Variants in KDM4C observed in about 807,000 individuals in gnomAD.
The protein encoded by KDM4C is lysine-specific demethylase 4C.
A neutral mutation model predicts 129.3 loss-of-function variants in KDM4C; 81 were observed. The ratio of observed to expected loss-of-function variants is 0.63; its 90% confidence interval spans 0.52 to 0.75. The LOEUF (loss-of-function observed/expected upper bound fraction) is 0.75, where lower values mean the gene tolerates loss of function less well. KDM4C is among the 30% of genes least tolerant of loss of function. KDM4C has a pLI of 0.00. For missense variants in KDM4C, 1,457 were observed against 1,304.0 expected, an observed-to-expected ratio of 1.12 and a Z score of -1.81; for synonymous variants, 573 against 456.1, an observed-to-expected ratio of 1.26 and a Z score of -3.26.
intron 1 of KDM4C, among the ~76,000 whole-genome samples, chr9:6,787,821 A>T (rs562873522): frequency 1.3e-5 from 2 of 152,212 alleles, no homozygotes; most frequent in Non-Finnish European, 2.9e-5. Flanking sequence ...GTTTCTTTAG[A>T]GACAGCCATT....
At chr9:6,814,820 A>C (rs1343636354) in intron 4 of KDM4C, 75 bp downstream of exon 4, 1 of 906,818 alleles carries the variant, frequency 1.1e-6, no homozygotes, top group African/African-American at 1.7e-5. Flanking sequence ...AGCAGTTTAG[A>C]AGTGTTCTTT....
chr9:6,903,113 T>G (rs1817685108), intron 8 of KDM4C, among the ~76,000 whole-genome samples: 2 of 152,174 alleles, frequency 1.3e-5, no homozygotes, highest in Admixed American at 1.3e-4. Flanking sequence ...ACCCAATTAG[T>G]TTCTATTAAC....
At chr9:6,906,995 G>A (rs1004246828) in intron 8 of KDM4C, among the ~76,000 whole-genome samples, 10 of 152,186 alleles carry the variant, frequency 6.6e-5, no homozygotes, top group Admixed American at 5.2e-4. Flanking sequence ...AACTATTCTC[G>A]TAACCAGTTT....
At chr9:6,992,893 T>C (rs1819011902) in intron 12 of KDM4C, among the ~76,000 whole-genome samples, 2 of 152,172 alleles carry the variant, frequency 1.3e-5, no homozygotes, top group Admixed American at 1.3e-4. Context: ...CTGGAAAGTT[T>C]CTCCCTAACA....
chr9:7,120,713 T>C (rs1044815863), intron 18 of KDM4C, among the ~76,000 whole-genome samples: 40 of 152,304 alleles, frequency 2.6e-4, no homozygotes, highest in South Asian at 1.9e-3. Context: ...TCAGATGAAA[T>C]TTTATGACCA....
intron 12 of KDM4C, among the ~76,000 whole-genome samples, chr9:7,010,764 C>A (rs544294004): frequency 6.6e-6 from 1 of 152,262 alleles, no homozygotes; most frequent in East Asian, 1.9e-4. Context: ...ACATTTTAGA[C>A]CAGGCTCAGT....
At chr9:7,073,798 C>G (rs576774222) in intron 17 of KDM4C, among the ~76,000 whole-genome samples, 2 of 152,276 alleles carry the variant, frequency 1.3e-5, no homozygotes, top group South Asian at 2.1e-4. Context: ...GTAGTTCACT[C>G]TTGCCTGGTG....
At chr9:7,107,172 C>A (rs1837789616) in intron 18 of KDM4C, among the ~76,000 whole-genome samples, 1 of 152,216 alleles carries the variant, frequency 6.6e-6, no homozygotes, top group South Asian at 2.1e-4. Context: ...CGCTTCACCA[C>A]CCTGTGCCAT....
At chr9:6,870,474 C>G (rs756447604) in intron 5 of KDM4C, among the ~76,000 whole-genome samples, 5 of 151,964 alleles carry the variant, frequency 3.3e-5, no homozygotes, top group Non-Finnish European at 7.4e-5. Context: ...CTTTGGCTTC[C>G]TCATTAGTTA....
At position 7,014,014 on chromosome 9, in the gene KDM4C, A is replaced by G; in HGVS notation, c.2182+13A>G. 4.4e-6 allele frequency: 7 copies of G among 1,595,326 alleles called. No individual in the cohort carries two copies. The highest frequency in any genetic ancestry group is 1.3e-5 in the African/African-American group (1 of 74,288). ...CGGGTTCATGCAAGTAAATGGATCT[A>G]TAATTCATCAATCACTGGCTTTTCA... On this transcript the variant is annotated intron_variant, in intron 14 of 21. Transcript: ENST00000381309.
chr9:6,982,380 G>T (rs1378750869), intron 9 of KDM4C: 1 of 152,112 alleles, frequency 6.6e-6, no homozygotes, highest in Non-Finnish European at 1.5e-5. Flanking sequence ...CGCAATGATC[G>T]TCAAAGTGTT....
chr9:6,993,665 A>G (rs536121345), intron 12 of KDM4C, among the ~76,000 whole-genome samples: 1 of 152,286 alleles, frequency 6.6e-6, no homozygotes, highest in South Asian at 2.1e-4. Flanking sequence ...CCGTGCACTT[A>G]GGGGAGAGGG....
At chr9:7,172,150 A>T (rs1283026436) in intron 21 of KDM4C, among the ~76,000 whole-genome samples, 3 of 152,168 alleles carry the variant, frequency 2.0e-5, no homozygotes, top group Non-Finnish European at 2.9e-5. Flanking sequence ...TGGTTAGAAA[A>T]GTCTTTTTTG....
intron 20 of KDM4C, among the ~76,000 whole-genome samples, chr9:7,167,467 T>TAG (rs1382673592): frequency 6.6e-6 from 1 of 152,232 alleles, no homozygotes; most frequent in Non-Finnish European, 1.5e-5. Context: ...CTAGCTATGC[T>TAG]ATCAACTAAG....
At chr9:7,089,061 A>G (rs935054558) in intron 17 of KDM4C, among the ~76,000 whole-genome samples, 3 of 152,216 alleles carry the variant, frequency 2.0e-5, no homozygotes, top group Non-Finnish European at 2.9e-5. Flanking sequence ...GAGATGAGTT[A>G]AAAAACAAAA....
At chr9:7,023,533 T>A (rs1408720477) in intron 15 of KDM4C, among the ~76,000 whole-genome samples, 2 of 152,166 alleles carry the variant, frequency 1.3e-5, no homozygotes, top group African/African-American at 4.8e-5. Flanking sequence ...CTCTCCTTTT[T>A]TCTTACTCTG....
intron 1 of KDM4C, among the ~76,000 whole-genome samples, chr9:6,775,500 C>G (rs1003021302): frequency 1.3e-5 from 2 of 151,832 alleles, no homozygotes; most frequent in Admixed American, 6.6e-5. Flanking sequence ...GTTGAACTTA[C>G]GCTAGAATTT....
chr9:6,971,868 A>T (rs1025258301), intron 8 of KDM4C, among the ~76,000 whole-genome samples: 5 of 152,276 alleles, frequency 3.3e-5, no homozygotes, highest in African/African-American at 1.2e-4. Flanking sequence ...ATTCGATTTT[A>T]ATTTTCATTT....
chr9:7,154,132 A>C (rs1452207358), intron 19 of KDM4C, among the ~76,000 whole-genome samples: 1 of 152,206 alleles, frequency 6.6e-6, no homozygotes, highest in African/African-American at 2.4e-5. Flanking sequence ...AGGCCAGCTC[A>C]GCCCCCATTA....
Sources: allele counts gnomAD v4.1 joint callset (sites outside exome capture counted in the v4.1 genomes callset), GRCh38; gene constraint gnomAD v4.1.1; transcripts MANE v1.5; gene names NCBI Gene and HGNC (gene_info 2026-07-23, HGNC 2026-07-21).